The following PPP2R5E variants were observed in gnomAD, a reference collection of about 807,000 sequenced individuals.
PPP2R5E encodes serine/threonine-protein phosphatase 2A 56 kDa regulatory subunit epsilon isoform.
A neutral mutation model predicts 65.3 loss-of-function variants in PPP2R5E; 4 were observed. The ratio of observed to expected loss-of-function variants is 0.06; its 90% CI spans 0.03 to 0.14. The LOEUF (loss-of-function observed/expected upper bound fraction) is 0.14, where lower values mean the gene tolerates loss of function less well. Ranked by LOEUF, PPP2R5E falls within the 10% of genes least tolerant of loss-of-function variation. PPP2R5E has a pLI of 1.00. For missense variants in PPP2R5E, 274 were observed against 556.1 expected (o/e 0.49, Z 5.10); for synonymous variants, 183 against 187.4 (o/e 0.98, Z 0.19).
At chr14:63,481,495 CAAAAAAAAAAAAA>C (rs59764365) in intron 2 of PPP2R5E, among the ~76,000 whole-genome samples, 2 of 93,084 alleles carry the variant, frequency 2.1e-5, no homozygotes, top group African/African-American at 3.0e-5. Flanking sequence ...GACTCCATCT[CAAAAAAAAAAAAA>C]AAAAAAAAAA....
At chr14:63,417,258 C>G (rs1032338833) in intron 4 of PPP2R5E, among the ~76,000 whole-genome samples, 2 of 152,102 alleles carry the variant, frequency 1.3e-5, no homozygotes, top group Non-Finnish European at 2.9e-5. Flanking sequence ...TTTAAAAAGT[C>G]TTTAAGCTTT....
intron 2 of PPP2R5E, among the ~76,000 whole-genome samples, chr14:63,501,635 G>A (rs1891894610): frequency 6.6e-6 from 1 of 152,138 alleles, no homozygotes; most frequent in Admixed American, 6.6e-5. Flanking sequence ...AAAATAGATT[G>A]TGGTGATGGT....
chr14:63,490,324 A>G (rs1450570912), intron 2 of PPP2R5E, among the ~76,000 whole-genome samples: 8 of 152,146 alleles, frequency 5.3e-5, no homozygotes, highest in African/African-American at 1.9e-4. Flanking sequence ...AAAACTATAA[A>G]AATTCTAGAA....
At chr14:63,484,673 C>G (rs1890894834) in intron 2 of PPP2R5E, among the ~76,000 whole-genome samples, 2 of 152,080 alleles carry the variant, frequency 1.3e-5, no homozygotes, top group African/African-American at 4.8e-5. Context: ...ATTGGGAAGG[C>G]CAGACACAGT....
At chr14:63,531,390 GT>G (rs1893428724) in intron 2 of PPP2R5E, among the ~76,000 whole-genome samples, 1 of 151,300 alleles carries the variant, frequency 6.6e-6, no homozygotes, top group African/African-American at 2.4e-5. Context: ...GCGGTGTTTG[GT>G]TTTTTGTCCT....
chr14:63,520,886 A>AAAAAAAG (rs1566759558), intron 2 of PPP2R5E, among the ~76,000 whole-genome samples: 3 of 143,014 alleles, frequency 2.1e-5, no homozygotes, highest in African/African-American at 8.6e-5. Context: ...AAAAAAAAAA[A>AAAAAAAG]CAATTAGCCG....
At chr14:63,478,044 T>C (rs556027305) in intron 2 of PPP2R5E, among the ~76,000 whole-genome samples, 2 of 152,276 alleles carry the variant, frequency 1.3e-5, no homozygotes, top group East Asian at 3.9e-4. Context: ...AAAAATGACA[T>C]AGCTTCAGTT....
chr14:63,512,490 T>C (rs1028443158), intron 2 of PPP2R5E, among the ~76,000 whole-genome samples: 14 of 152,232 alleles, frequency 9.2e-5, no homozygotes, highest in Non-Finnish European at 1.5e-4. Flanking sequence ...TTTATAGATA[T>C]CATTTTTCTT....
intron 2 of PPP2R5E, among the ~76,000 whole-genome samples, chr14:63,486,624 C>T (rs1042921698): frequency 6.6e-5 from 10 of 151,960 alleles, no homozygotes; most frequent in African/African-American, 2.4e-4. Context: ...GTCCACAGTA[C>T]TCCACTGTTT....
intron 10 of PPP2R5E, among the ~76,000 whole-genome samples, chr14:63,390,483 C>A (rs1388919611): frequency 1.3e-5 from 2 of 151,928 alleles, no homozygotes; most frequent in African/African-American, 4.8e-5. Context: ...AAATAAAAAC[C>A]AGTTTACGTA....
intron 8 of PPP2R5E, 127 bp downstream of exon 8, chr14:63,393,693 C>G (rs994010080): frequency 1.5e-5 from 9 of 604,818 alleles, no homozygotes; most frequent in Non-Finnish European, 2.3e-5. Context: ...GCCTGGGCGG[C>G]AGAGCAAGAC....
intron 8 of PPP2R5E, among the ~76,000 whole-genome samples, chr14:63,393,223 T>G (rs1261047724): frequency 6.6e-6 from 1 of 152,200 alleles, no homozygotes; most frequent in African/African-American, 2.4e-5. Flanking sequence ...TTTTATTATA[T>G]GTAATAGGTT....
intron 2 of PPP2R5E, among the ~76,000 whole-genome samples, chr14:63,494,993 CA>C (rs1464593536): frequency 6.6e-6 from 1 of 151,860 alleles, no homozygotes; most frequent in African/African-American, 2.4e-5. Context: ...CACTGGATGT[CA>C]GGAGTTGGAG....
At chr14:63,445,907 C>A (rs924143450) in intron 3 of PPP2R5E, among the ~76,000 whole-genome samples, 21 of 151,838 alleles carry the variant, frequency 1.4e-4, no homozygotes, top group African/African-American at 5.1e-4. Context: ...TGAAAAATTT[C>A]TCTGTAGCAT....
intron 3 of PPP2R5E, chr14:63,451,821 G>C (rs1888848392): frequency 6.6e-6 from 1 of 152,100 alleles, no homozygotes. Context: ...CTTGTGCAGG[G>C]ACAGGGGCAT....
At chr14:63,403,401 A>T (rs2139824471) in intron 5 of PPP2R5E, among the ~76,000 whole-genome samples, 1 of 152,002 alleles carries the variant, frequency 6.6e-6, no homozygotes, top group East Asian at 1.9e-4. Flanking sequence ...AAAAAAAAAA[A>T]AAAAAAAAAT....
Position 63,417,489 on chromosome 14 carries a change from GA to G in PPP2R5E, c.457-2258del, listed in dbSNP as rs61229217. ...AGTAAAAATGATGTTTCATGAGGAGGAAAAAAAAAAAAAAAAGGCTAGTTTG... is the reference window on the plus strand; with the variant it reads ...AGTAAAAATGATGTTTCATGAGGAGGAAAAAAAAAAAAAAAGGCTAGTTTG... On this transcript the variant is annotated intron_variant, in intron 4 of 13. Transcript: ENST00000337537. Among the ~76,000 whole-genome samples the G allele has an allele frequency of 2.3e-3, 282 of 121,374 alleles. 1 individual carries two copies. The highest frequency in any genetic ancestry group is 3.4e-3 in the Admixed American group (39 of 11,610). 79.6% of individuals were successfully genotyped at this position (121,374 alleles called of 152,430 possible). A position where few individuals can be genotyped will look rare whatever the true frequency, so the allele number is the denominator to read the frequency against.
chr14:63,396,479 G>C, intron 6 of PPP2R5E, 107 bp downstream of exon 6: 1 of 1,402,040 alleles, frequency 7.1e-7, no homozygotes, highest in South Asian at 1.4e-5. Flanking sequence ...CAGGCAGAAA[G>C]GGAGAAAGAG....
chr14:63,462,993 C>T (rs182312663), intron 2 of PPP2R5E, among the ~76,000 whole-genome samples: 48,655 of 148,918 alleles, frequency 0.33, 10,598 homozygotes, highest in African/African-American at 0.62. Flanking sequence ...TCCCAGCTAC[C>T]CGGGAGGCTG....
Sources: gnomAD v4.1 joint callset for allele counts (sites outside exome capture counted in the v4.1 genomes callset) on GRCh38, gnomAD v4.1.1 for gene constraint, MANE v1.5 for transcripts, NCBI Gene and HGNC (gene_info 2026-07-23, HGNC 2026-07-21) for gene names.